BRD10: variants seen among roughly 807,000 people sequenced by gnomAD.
The protein encoded by BRD10 is bromodomain containing 10, also known as uncharacterized bromodomain-containing protein 10.
chr9:5,980,982 C>T, the BRD10 span, among the ~76,000 whole-genome samples: 3 of 152,132 alleles, frequency 2.0e-5, no homozygotes, highest in East Asian at 5.8e-4. Context: ...CATGACCTTC[C>T]TATGATTTCA....
the BRD10 span, among the ~76,000 whole-genome samples, chr9:5,901,174 G>A: frequency 6.6e-6 from 1 of 152,078 alleles, no homozygotes; most frequent in African/African-American, 2.4e-5. Flanking sequence ...GACAAGGGCA[G>A]TTTTATTTTT....
chr9:5,933,995 G>A, the BRD10 span: 1 of 337,028 alleles, frequency 3.0e-6, no homozygotes, highest in Non-Finnish European at 6.1e-6. Flanking sequence ...TTAGGTGAAA[G>A]TCACTTGTTT....
chr9:5,993,832 A>G, the BRD10 span, among the ~76,000 whole-genome samples: 1 of 152,196 alleles, frequency 6.6e-6, no homozygotes, highest in Non-Finnish European at 1.5e-5. Flanking sequence ...AAGGGTAGAA[A>G]ATGCATTTAC....
the BRD10 span, chr9:5,968,733 T>A: frequency 6.2e-7 from 1 of 1,613,924 alleles, no homozygotes; most frequent in Non-Finnish European, 8.5e-7. Context: ...CTTTGTATTT[T>A]AATGGGTGGA....
chr9:5,929,083 G>A, the BRD10 span: 4 of 1,604,904 alleles, frequency 2.5e-6, no homozygotes, highest in African/African-American at 1.3e-5. Context: ...TGGTTCCCAT[G>A]GCAGCAATTC....
the BRD10 span, among the ~76,000 whole-genome samples, chr9:5,884,052 A>C: frequency 0.17 from 26,291 of 152,184 alleles, 2,364 homozygotes; most frequent in Middle Eastern, 0.2. Context: ...GCATTTAAAT[A>C]AAAATCAGAA....
chr9:5,996,478 C>G, the BRD10 span, among the ~76,000 whole-genome samples: 1 of 152,090 alleles, frequency 6.6e-6, no homozygotes, highest in Non-Finnish European at 1.5e-5. Context: ...GCCACTATGC[C>G]TGGCTAATTT....
At chr9:5,994,791 G>A in the BRD10 span, among the ~76,000 whole-genome samples, 1 of 152,044 alleles carries the variant, frequency 6.6e-6, no homozygotes, top group African/African-American at 2.4e-5. Context: ...ATAATCTGTT[G>A]TCTAACTATA....
At chr9:5,925,788 G>A in the BRD10 span, among the ~76,000 whole-genome samples, 1 of 152,194 alleles carries the variant, frequency 6.6e-6, no homozygotes, top group South Asian at 2.1e-4. Flanking sequence ...AGAAACTAGA[G>A]ATGGAAACAT....
the BRD10 span, among the ~76,000 whole-genome samples, chr9:5,923,656 C>G: frequency 2.4e-4 from 36 of 152,252 alleles, no homozygotes; most frequent in African/African-American, 8.2e-4. Context: ...ATTTAATTTG[C>G]AAAGGAATCT....
chr9:6,008,023 C>T, the BRD10 span: 3 of 1,185,702 alleles, frequency 2.5e-6, no homozygotes, highest in Non-Finnish European at 3.1e-6. Flanking sequence ...AGCCTAGGTG[C>T]CCTCCTCTCC....
At chr9:5,948,180 T>A in the BRD10 span, among the ~76,000 whole-genome samples, 1 of 152,172 alleles carries the variant, frequency 6.6e-6, no homozygotes, top group Non-Finnish European at 1.5e-5. Context: ...TGTCCAAGCC[T>A]TAGCCTAGGC....
At chr9:5,903,962 A>G in the BRD10 span, among the ~76,000 whole-genome samples, 3 of 151,628 alleles carry the variant, frequency 2.0e-5, no homozygotes, top group South Asian at 6.2e-4. Context: ...GGTTCAAGTG[A>G]TTCTCCTGCC....
the BRD10 span, among the ~76,000 whole-genome samples, chr9:5,943,563 C>G: frequency 6.6e-6 from 1 of 150,436 alleles, no homozygotes; most frequent in Admixed American, 6.6e-5. Flanking sequence ...AAAAAAAACC[C>G]TCTGGCTACA....
the BRD10 span, among the ~76,000 whole-genome samples, chr9:5,967,504 A>G: frequency 6.6e-6 from 1 of 152,130 alleles, no homozygotes; most frequent in African/African-American, 2.4e-5. Flanking sequence ...TATATTCCAC[A>G]TATTTTCTTG....
At chr9:6,008,378 G>C in the BRD10 span, 2 of 887,124 alleles carry the variant, frequency 2.3e-6, no homozygotes, top group South Asian at 5.2e-5. Flanking sequence ...GGAGAAAGGG[G>C]AGGGGCAGGG....
the BRD10 span, among the ~76,000 whole-genome samples, chr9:5,999,269 G>A: frequency 6.6e-5 from 10 of 152,040 alleles, no homozygotes; most frequent in East Asian, 1.9e-3. Context: ...ATTATTTGGA[G>A]ATGTAAATCT....
the BRD10 span, chr9:5,968,635 G>A: frequency 4.3e-6 from 7 of 1,613,804 alleles, no homozygotes; most frequent in Middle Eastern, 1.7e-4. Context: ...TGAAGGAAGA[G>A]GGCAGGCTAT....
At chr9:5,996,501 T>C in the BRD10 span, among the ~76,000 whole-genome samples, 1 of 152,130 alleles carries the variant, frequency 6.6e-6, no homozygotes, top group African/African-American at 2.4e-5. Flanking sequence ...GTATGTTTAG[T>C]AGAGTTGGGA....
Sources: gnomAD v4.1 joint callset for allele counts (sites outside exome capture counted in the v4.1 genomes callset) on GRCh38, gnomAD v4.1.1 for gene constraint, MANE v1.5 for transcripts, NCBI Gene and HGNC (gene_info 2026-07-23, HGNC 2026-07-21) for gene names.